INPP5A: variants seen among roughly 807,000 people sequenced by gnomAD.
INPP5A encodes 43 kDa inositol polyphosphate 5-phophatase.
INPP5A carries 14 observed loss-of-function variants against 65.2 expected under a neutral mutation model. The ratio of observed to expected loss-of-function variants is 0.21; its 90% confidence interval spans 0.14 to 0.34. The LOEUF is 0.34. INPP5A is among the 10% of genes least tolerant of loss of function. INPP5A has a pLI of 1.00. For missense variants in INPP5A, 431 were observed against 545.6 expected, an observed-to-expected ratio of 0.79 and a Z score of 2.09; for synonymous variants, 207 against 208.3, an observed-to-expected ratio of 0.99 and a Z score of 0.05.
At chr10:132,566,905 A>G (rs2071281157) in intron 1 of INPP5A, among the ~76,000 whole-genome samples, 2 of 152,250 alleles carry the variant, frequency 1.3e-5, no homozygotes, top group African/African-American at 4.8e-5. Context: ...TGCAAATATG[A>G]TTGTGCATCT....
chr10:132,771,884 A>G lies in INPP5A; in HGVS notation c.978-5787A>G, dbSNP rs59811026. 1.6e-3 allele frequency among the ~76,000 whole-genome samples: 126 copies of G among 80,532 alleles called. 9 individuals carry two copies. The highest frequency in any genetic ancestry group is 4.0e-3 in the African/African-American group (69 of 17,172). 52.8% of individuals were successfully genotyped at this position (80,532 alleles called of 152,430 possible). ...GCAGCCACCCCGCGAAGAGTGGGAC[A>G]GACACTCAGCACTGACACAGAGGCC... On this transcript the variant is annotated intron_variant, in intron 12 of 15. Coordinates refer to ENST00000368594, the MANE Select transcript of INPP5A (RefSeq NM_005539.5).
chr10:132,586,112 G>A (rs867512575), intron 1 of INPP5A, among the ~76,000 whole-genome samples: 1 of 152,136 alleles, frequency 6.6e-6, no homozygotes, highest in Non-Finnish European at 1.5e-5. Flanking sequence ...TGTGCCTCTG[G>A]AGACCCGGGC....
chr10:132,614,996 C>T (rs984004337), intron 2 of INPP5A, among the ~76,000 whole-genome samples: 11 of 152,364 alleles, frequency 7.2e-5, no homozygotes, highest in African/African-American at 2.6e-4. Context: ...GTTGCCGCAG[C>T]CTGAGTGAAG....
At chr10:132,710,539 G>A in intron 8 of INPP5A, 83 bp downstream of exon 8, 3 of 1,535,220 alleles carry the variant, frequency 2.0e-6, no homozygotes, top group African/African-American at 1.4e-5. Context: ...GTAGGTGTGG[G>A]CGGACAAGTA....
chr10:132,752,463 G>T (rs1014260031), intron 11 of INPP5A, among the ~76,000 whole-genome samples: 5 of 140,828 alleles, frequency 3.6e-5, no homozygotes, highest in Non-Finnish European at 7.8e-5. Context: ...CGTGGAGGGG[G>T]GTGTGGCATG....
Position 132,721,359 on chromosome 10 carries a change from G to T in INPP5A, c.648-5462G>T, listed in dbSNP as rs189790388. Among the ~76,000 whole-genome samples the T allele has an allele frequency of 1.1e-4, 16 of 148,778 alleles. No individual in the cohort carries two copies. In the East Asian group the frequency reaches 3.3e-3, roughly 30 times the overall value. ...TCTGTGGTACCTGGATTCTTTCTGG[G>T]GGCGCCTTAGACAGCTGTCTTCAGG... On this transcript the variant is annotated intron_variant, in intron 8 of 15. Transcript: ENST00000368594.
chr10:132,537,885 G>GCGCGGGGC lies in INPP5A; in HGVS notation c.-206_-199dup, dbSNP rs976731350. 9.4e-6 allele frequency: 3 copies of GCGCGGGGC among 319,602 alleles called. No homozygotes were observed. The Admixed American group carries it at 1.5e-4, about 16-fold the overall frequency. 19.8% of individuals were successfully genotyped at this position (319,602 alleles called of 1,614,324 possible). Reference sequence around the variant, plus strand: ...TGTGAGGCGCGGCGGCGAGCGACGGGCGCGGGGCCGCGGAGCAGCGAGCGA... The same window carrying GCGCGGGGC: ...TGTGAGGCGCGGCGGCGAGCGACGGGCGCGGGGCCGCGGGGCCGCGGAGCAGCGAGCGA... On this transcript the variant is annotated 5_prime_UTR_variant, in exon 1 of 16. Coordinates refer to ENST00000368594, the MANE Select transcript of INPP5A (RefSeq NM_005539.5).
chr10:132,781,821 G>C, intron 14 of INPP5A, 40 bp from the exon 15 acceptor site: 1 of 1,539,584 alleles, frequency 6.5e-7, no homozygotes, highest in Non-Finnish European at 9.0e-7. Flanking sequence ...GTGCTGTCCC[G>C]CGTGCGCCGT....
At chr10:132,617,484 G>A (rs1377713766) in intron 2 of INPP5A, among the ~76,000 whole-genome samples, 1 of 152,220 alleles carries the variant, frequency 6.6e-6, no homozygotes, top group Non-Finnish European at 1.5e-5. Context: ...CTTTCCCAGA[G>A]GGAAGGTCTC....
rs1846010126 is a variant in INPP5A, at chr10:132,727,679, C to T, written c.732+774C>T. 6.6e-6 allele frequency among the ~76,000 whole-genome samples: 1 copy of T among 152,210 alleles called. No individual in the cohort carries two copies. Among genetic ancestry groups the T allele is most frequent in the Non-Finnish European group, 1.5e-5 (1 of 68,032 alleles). On this transcript the variant is annotated intron_variant, in intron 9 of 15. Coordinates refer to ENST00000368594, the MANE Select transcript of INPP5A (RefSeq NM_005539.5). This position sits in a 1 kb window ranked among gnomAD's most constrained non-coding sequence, Gnocchi z 6.5. ...CACCTGTTGCCCACCCGCCCTGGCCCTGCTGCCCTCACCCTCAGCCTCCCT... is the reference window on the plus strand; with the variant it reads ...CACCTGTTGCCCACCCGCCCTGGCCTTGCTGCCCTCACCCTCAGCCTCCCT...
chr10:132,644,498 C>A lies in INPP5A; in HGVS notation c.118-1370C>A, dbSNP rs935446687. On this transcript the variant is annotated intron_variant, in intron 2 of 15. Transcript: ENST00000368594. The surrounding 1 kb of genome is among the most constrained non-coding windows in gnomAD (Gnocchi z 6.5). ...TGCTGGCTGCCCACTTGCTCAGCTG[C>A]GCCCTGGACCGTGGCCGCTGGGCTC... 6.6e-6 allele frequency among the ~76,000 whole-genome samples: 1 copy of A among 152,260 alleles called. No individual in the cohort carries two copies. The highest frequency in any genetic ancestry group is 2.1e-4 in the South Asian group (1 of 4,834).
chr10:132,577,237 C>T (rs867189560), intron 1 of INPP5A, among the ~76,000 whole-genome samples: 9 of 152,180 alleles, frequency 5.9e-5, no homozygotes, highest in Admixed American at 3.3e-4. Context: ...CCCGGCACGC[C>T]GCCCGTGGTG....
chr10:132,575,776 G>T lies in INPP5A; in HGVS notation c.76-32139G>T, dbSNP rs956804563. Among the ~76,000 whole-genome samples the T allele has an allele frequency of 6.6e-6, 1 of 152,110 alleles. No homozygotes were observed. Among genetic ancestry groups the T allele is most frequent in the African/African-American group, 2.4e-5 (1 of 41,426 alleles). ...CCGTGGGCTCCCGCGTGGTGTGTGC[G>T]GCCCAGGGCCCTGGCAGTGGGGAGT... On this transcript the variant is annotated intron_variant, in intron 1 of 15. Transcript: ENST00000368594. This position sits in a 1 kb window ranked among gnomAD's most constrained non-coding sequence, Gnocchi z 5.4.
chr10:132,679,504 G>A (rs1285268355), intron 4 of INPP5A, among the ~76,000 whole-genome samples: 4 of 152,108 alleles, frequency 2.6e-5, no homozygotes, highest in Non-Finnish European at 5.9e-5. Context: ...GAGGAGAAGG[G>A]CTCGTAGGGT....
intron 1 of INPP5A, among the ~76,000 whole-genome samples, chr10:132,563,925 C>A (rs558423340): frequency 6.6e-6 from 1 of 152,162 alleles, no homozygotes; most frequent in African/African-American, 2.4e-5. Flanking sequence ...TGAGCCCTGG[C>A]GGCTGAGTCA....
At chr10:132,615,208 C>G (rs1160320483) in intron 2 of INPP5A, among the ~76,000 whole-genome samples, 2 of 152,244 alleles carry the variant, frequency 1.3e-5, no homozygotes, top group East Asian at 1.9e-4. Context: ...ATTCCCAGCA[C>G]TGTCTCGTGG....
At chr10:132,681,269 A>G (rs1478458676) in intron 4 of INPP5A, among the ~76,000 whole-genome samples, 1 of 152,230 alleles carries the variant, frequency 6.6e-6, no homozygotes, top group Non-Finnish European at 1.5e-5. Flanking sequence ...TGCCCGAGCC[A>G]GCAGTGGCAA....
At position 132,782,475 on chromosome 10, in the gene INPP5A, C is replaced by T. The variant is rs960438624; in HGVS notation, c.*446C>T. 8.1e-5 allele frequency: 17 copies of T among 210,312 alleles called. No individual in the cohort carries two copies. The highest frequency in any genetic ancestry group is 9.7e-5 in the Non-Finnish European group (10 of 102,594). The allele number at this position is 210,312 out of a possible 1,614,324, so 13.0% of individuals were successfully genotyped here. On this transcript the variant is annotated 3_prime_UTR_variant, in exon 16 of 16. Coordinates refer to ENST00000368594, the MANE Select transcript of INPP5A (RefSeq NM_005539.5). The surrounding 1 kb of genome is among the most constrained non-coding windows in gnomAD (Gnocchi z 4.4). Reference sequence around the variant, plus strand: ...CGAGACGGGCACTCCCTCTGCCGGCCGGCAGCGTGGCCCTGAGCATGGCAA... The same window carrying T: ...CGAGACGGGCACTCCCTCTGCCGGCTGGCAGCGTGGCCCTGAGCATGGCAA...
At chr10:132,718,718 G>T in intron 8 of INPP5A, among the ~76,000 whole-genome samples, 1 of 150,424 alleles carries the variant, frequency 6.6e-6, no homozygotes, top group Non-Finnish European at 1.5e-5. Flanking sequence ...TTGTCTGGCG[G>T]GTTCTGTGGT....
Sources: gnomAD v4.1 joint callset for allele counts (sites outside exome capture counted in the v4.1 genomes callset) on GRCh38, gnomAD v4.1.1 for gene constraint, Gnocchi (gnomAD v3.1) non-coding constraint, MANE v1.5 for transcripts, NCBI Gene and HGNC (gene_info 2026-07-23, HGNC 2026-07-21) for gene names.